CYB5R4: variants seen among roughly 807,000 people sequenced by gnomAD.
CYB5R4 encodes the protein cytochrome b5 reductase 4.
CYB5R4 carries 55 observed loss-of-function variants against 70.2 expected under a neutral mutation model. That is an observed-to-expected ratio of 0.78 (90% CI 0.63 to 0.98). The LOEUF (loss-of-function observed/expected upper bound fraction) is 0.98. Among genes scored for constraint, CYB5R4 ranks in the 50% least tolerant of loss-of-function variants. The pLI is 0.00. For missense variants in CYB5R4, 562 were observed against 612.6 expected, an observed-to-expected ratio of 0.92 and a Z score of 0.87; for synonymous variants, 197 against 199.5, an observed-to-expected ratio of 0.99 and a Z score of 0.11.
chr6:83,966,879 G>A lies in CYB5R4; in HGVS notation c.*7001G>A, dbSNP rs1288008701. ...AAAAATTGAAATTAATGTTGAAAGA[G>A]CACCAGAGAGTATACATCCAAAAAG... On this transcript the variant is annotated 3_prime_UTR_variant, in exon 16 of 16. Transcript: ENST00000369681. The A allele has an allele frequency of 1.3e-5, 2 of 152,010 alleles. No homozygotes were observed. Among genetic ancestry groups the A allele is most frequent in the African/African-American group, 4.8e-5 (2 of 41,376 alleles). 9.4% of individuals were successfully genotyped at this position (152,010 alleles called of 1,614,324 possible). A position where few individuals can be genotyped will look rare whatever the true frequency, so the allele number is the denominator to read the frequency against.
chr6:83,881,132 C>T (rs907657548), intron 2 of CYB5R4, among the ~76,000 whole-genome samples: 4 of 152,026 alleles, frequency 2.6e-5, no homozygotes, highest in Admixed American at 2.6e-4. Context: ...GTGAGATATG[C>T]CACAGAGGAT....
chr6:83,875,522 C>T (rs1037487243), intron 2 of CYB5R4, among the ~76,000 whole-genome samples: 1 of 152,120 alleles, frequency 6.6e-6, no homozygotes, highest in African/African-American at 2.4e-5. Flanking sequence ...CCGATCCAGA[C>T]CCCAAGAGAG....
At chr6:83,934,830 T>A in intron 11 of CYB5R4, 95 bp downstream of exon 11, 1 of 1,155,420 alleles carries the variant, frequency 8.7e-7, no homozygotes, top group Non-Finnish European at 1.2e-6. Context: ...TTTAAGTTAT[T>A]AATAAATGTT....
intron 3 of CYB5R4, among the ~76,000 whole-genome samples, chr6:83,899,377 T>C (rs1212965787): frequency 6.6e-6 from 1 of 152,230 alleles, no homozygotes; most frequent in Non-Finnish European, 1.5e-5. Flanking sequence ...CAGCATTTTA[T>C]TGAGGATTTT....
intron 15 of CYB5R4, among the ~76,000 whole-genome samples, chr6:83,958,617 G>A (rs1015518547): frequency 6.6e-6 from 1 of 152,164 alleles, no homozygotes; most frequent in South Asian, 2.1e-4. Context: ...TGGAATGGTA[G>A]CATGGGCCCA....
intron 10 of CYB5R4, among the ~76,000 whole-genome samples, chr6:83,927,109 C>T (rs1042553931): frequency 6.6e-6 from 1 of 152,152 alleles, no homozygotes; most frequent in African/African-American, 2.4e-5. Flanking sequence ...AAAAATCAAA[C>T]ACACATACAA....
chr6:83,894,145 G>A (rs1364768209), intron 3 of CYB5R4, among the ~76,000 whole-genome samples: 1 of 152,162 alleles, frequency 6.6e-6, no homozygotes, highest in Non-Finnish European at 1.5e-5. Flanking sequence ...CAGAGATTCT[G>A]TATAGGTTAT....
chr6:83,946,637 G>A (rs1056608246), intron 14 of CYB5R4, among the ~76,000 whole-genome samples: 1 of 152,274 alleles, frequency 6.6e-6, no homozygotes, highest in East Asian at 1.9e-4. Context: ...AATTATCTCT[G>A]TTTCCAGATG....
chr6:83,889,634 A>T (rs1053278873), intron 2 of CYB5R4, among the ~76,000 whole-genome samples: 9 of 152,210 alleles, frequency 5.9e-5, no homozygotes, highest in African/African-American at 2.2e-4. Flanking sequence ...ACTGTACGTC[A>T]TGCCTTCTCT....
chr6:83,903,716 C>T (rs1184776761), intron 3 of CYB5R4, among the ~76,000 whole-genome samples: 2 of 151,886 alleles, frequency 1.3e-5, no homozygotes, highest in Admixed American at 6.6e-5. Flanking sequence ...CTGATTCAAT[C>T]TTGCTACTGG....
intron 14 of CYB5R4, among the ~76,000 whole-genome samples, chr6:83,943,653 T>C (rs1404753334): frequency 6.6e-6 from 1 of 151,910 alleles, no homozygotes; most frequent in Non-Finnish European, 1.5e-5. Context: ...AGAAGGTGGG[T>C]AATAACAAAT....
intron 10 of CYB5R4, among the ~76,000 whole-genome samples, chr6:83,929,025 G>A (rs970035935): frequency 6.6e-6 from 1 of 152,174 alleles, no homozygotes; most frequent in Non-Finnish European, 1.5e-5. Flanking sequence ...TGAAATGGGA[G>A]CTATAATGTG....
chr6:83,867,102 G>C (rs2099456848), intron 2 of CYB5R4, among the ~76,000 whole-genome samples: 2 of 152,164 alleles, frequency 1.3e-5, no homozygotes, highest in African/African-American at 4.8e-5. Flanking sequence ...ATTATTGTTA[G>C]CAGGCAGAGT....
intron 10 of CYB5R4, among the ~76,000 whole-genome samples, chr6:83,926,533 T>C (rs1416006098): frequency 6.6e-6 from 1 of 152,156 alleles, no homozygotes; most frequent in Non-Finnish European, 1.5e-5. Context: ...GTCTGTGTCC[T>C]AATGTCCTCT....
At chr6:83,942,775 G>A (rs866208757) in intron 14 of CYB5R4, among the ~76,000 whole-genome samples, 1 of 152,086 alleles carries the variant, frequency 6.6e-6, no homozygotes, top group Admixed American at 6.5e-5. Context: ...GAGCCTGGTG[G>A]GGGGAGGGGC....
chr6:83,859,972 C>G (rs533695528), intron 1 of CYB5R4, 115 bp downstream of exon 1: 2 of 1,011,078 alleles, frequency 2.0e-6, no homozygotes, highest in African/African-American at 1.6e-5. Context: ...CTGTCGTTCC[C>G]TGCTGTCCTT....
intron 2 of CYB5R4, among the ~76,000 whole-genome samples, chr6:83,881,061 T>C (rs1221851122): frequency 6.6e-6 from 1 of 152,216 alleles, no homozygotes; most frequent in African/African-American, 2.4e-5. Flanking sequence ...TGGTTTATCT[T>C]CTCCAGAGAG....
At chr6:83,893,059 C>A (rs922205314) in intron 2 of CYB5R4, among the ~76,000 whole-genome samples, 1 of 152,186 alleles carries the variant, frequency 6.6e-6, no homozygotes, top group African/African-American at 2.4e-5. Context: ...GCTTTGCTTA[C>A]TCTTCTGTAT....
At chr6:83,903,650 A>C (rs2129136644) in intron 3 of CYB5R4, among the ~76,000 whole-genome samples, 1 of 152,114 alleles carries the variant, frequency 6.6e-6, no homozygotes, top group East Asian at 1.9e-4. Flanking sequence ...CAGTGAATCC[A>C]TCTAGTCCTT....
Sources: gnomAD v4.1 joint callset for allele counts (sites outside exome capture counted in the v4.1 genomes callset) on GRCh38, gnomAD v4.1.1 for gene constraint, MANE v1.5 for transcripts, NCBI Gene and HGNC (gene_info 2026-07-23, HGNC 2026-07-21) for gene names.